CTNNA3: variants seen among roughly 807,000 people sequenced by gnomAD.
CTNNA3 encodes catenin alpha 3.
A neutral mutation model predicts 95.7 loss-of-function variants in CTNNA3; 76 were observed. The ratio of observed to expected loss-of-function variants is 0.79; its 90% CI spans 0.66 to 0.96. The LOEUF (loss-of-function observed/expected upper bound fraction) is 0.96. Ranked by LOEUF, CTNNA3 falls within the 40% of genes least tolerant of loss-of-function variation. The pLI is 0.00. For synonymous variants in CTNNA3, 431 were observed against 374.4 expected (o/e 1.15, Z -1.74); for missense variants, 1,191 against 1,089.8 (o/e 1.09, Z -1.31).
intron 15 of CTNNA3, among the ~76,000 whole-genome samples, chr10:66,049,215 T>A (rs992470071): frequency 6.6e-6 from 1 of 152,232 alleles, no homozygotes; most frequent in East Asian, 1.9e-4. Context: ...ATTAGAGAAA[T>A]GCAAATTGAA....
chr10:67,488,922 G>C (rs1214433214), intron 5 of CTNNA3, among the ~76,000 whole-genome samples: 1 of 152,062 alleles, frequency 6.6e-6, no homozygotes, highest in Non-Finnish European at 1.5e-5. Context: ...TTTTAGTAGA[G>C]ATGTGGTTTC....
At position 66,927,669 on chromosome 10, in the gene CTNNA3, C is replaced by T. The variant is rs923425639; in HGVS notation, c.1048-152145G>A. 6 of 1,614,012 alleles carry T rather than the reference C, an allele frequency of 3.7e-6. No individual in the cohort carries two copies. The highest frequency in any genetic ancestry group is 5.1e-6 in the Non-Finnish European group (6 of 1,180,034). On this transcript the variant is annotated intron_variant, in intron 7 of 17. Coordinates refer to ENST00000433211, the MANE Select transcript of CTNNA3 (RefSeq NM_013266.4). This position sits in a 1 kb window ranked among gnomAD's most constrained non-coding sequence, Gnocchi z 4.7. ...TCATAGGACAGACCATGTCCTGGACCTGGAGCTCCTTACAAAGGCTTGATT... is the reference window on the plus strand; with the variant it reads ...TCATAGGACAGACCATGTCCTGGACTTGGAGCTCCTTACAAAGGCTTGATT...
intron 12 of CTNNA3, among the ~76,000 whole-genome samples, chr10:66,293,552 C>T (rs1397073606): frequency 6.6e-6 from 1 of 151,996 alleles, no homozygotes; most frequent in African/African-American, 2.4e-5. Flanking sequence ...AGTATTCTAA[C>T]ATGACTAGTA....
At chr10:67,727,872 T>C (rs1164161912) in intron 1 of CTNNA3, among the ~76,000 whole-genome samples, 1 of 131,664 alleles carries the variant, frequency 7.6e-6, no homozygotes, top group Admixed American at 8.5e-5. Flanking sequence ...ATGTATAATA[T>C]AGTATATATC....
At chr10:67,168,743 C>A (rs1861889306) in intron 7 of CTNNA3, among the ~76,000 whole-genome samples, 2 of 152,156 alleles carry the variant, frequency 1.3e-5, no homozygotes, top group South Asian at 2.1e-4. Flanking sequence ...TGCTCTCTTG[C>A]CACTTCTATT....
At chr10:67,083,904 TA>T (rs1311248736) in intron 7 of CTNNA3, among the ~76,000 whole-genome samples, 1 of 152,004 alleles carries the variant, frequency 6.6e-6, no homozygotes, top group Non-Finnish European at 1.5e-5. Context: ...ATGAAAAGAA[TA>T]AAAATAAAGA....
intron 9 of CTNNA3, among the ~76,000 whole-genome samples, chr10:66,671,931 A>G (rs950392022): frequency 1.3e-5 from 2 of 152,178 alleles, no homozygotes; most frequent in Admixed American, 6.6e-5. Context: ...CATAGTTGGT[A>G]TGGACTAAAT....
chr10:66,913,292 A>G (rs1846319401), intron 7 of CTNNA3, among the ~76,000 whole-genome samples: 1 of 150,950 alleles, frequency 6.6e-6, no homozygotes, highest in Non-Finnish European at 1.5e-5. Flanking sequence ...ATGAGTACAT[A>G]GTAAGAGACC....
intron 10 of CTNNA3, among the ~76,000 whole-genome samples, chr10:66,597,535 TATATATATATATATATA>T (rs1843757084): frequency 1.5e-5 from 2 of 136,958 alleles, no homozygotes; most frequent in African/African-American, 5.3e-5. Flanking sequence ...TATATATATA[TATATATATATATATATA>T]TATTTATTAA....
chr10:66,484,394 A>C (rs1839652944), intron 11 of CTNNA3, among the ~76,000 whole-genome samples: 1 of 152,042 alleles, frequency 6.6e-6, no homozygotes, highest in African/African-American at 2.4e-5. Context: ...ATTGGTTTAC[A>C]AAATTTCATT....
In CTNNA3 at chr10:67,181,443, A is replaced by G. The variant is rs577322768; in HGVS notation, c.844-923T>C. ...TTTCCAAGATTAGGCATAATGTGAG[A>G]ATTGAAGAAAGAGATAGTGTAGAAT... On this transcript the variant is annotated intron_variant, in intron 6 of 17. Transcript: ENST00000433211. Among the ~76,000 whole-genome samples, 380 of 152,290 alleles carry G rather than the reference A, an allele frequency of 2.5e-3. 3 individuals carry two copies. The highest frequency in any genetic ancestry group is 8.9e-3 in the African/African-American group (370 of 41,564).
At chr10:67,327,429 G>C (rs1361151680) in intron 5 of CTNNA3, among the ~76,000 whole-genome samples, 1 of 152,124 alleles carries the variant, frequency 6.6e-6, no homozygotes, top group Non-Finnish European at 1.5e-5. Context: ...TGATGACCTT[G>C]AAGTTTGATT....
chr10:66,889,023 A>G (rs1845155099), intron 7 of CTNNA3, among the ~76,000 whole-genome samples: 1 of 152,208 alleles, frequency 6.6e-6, no homozygotes. Context: ...CAGACAATGG[A>G]ATATTATTCA....
At chr10:67,313,373 A>C (rs1440607793) in intron 5 of CTNNA3, among the ~76,000 whole-genome samples, 1 of 151,926 alleles carries the variant, frequency 6.6e-6, no homozygotes, top group African/African-American at 2.4e-5. Flanking sequence ...CGGAGTTTGC[A>C]GCAAGCTGAG....
At chr10:66,216,171 T>C (rs1226752501) in intron 13 of CTNNA3, among the ~76,000 whole-genome samples, 1 of 152,252 alleles carries the variant, frequency 6.6e-6, no homozygotes, top group Non-Finnish European at 1.5e-5. Flanking sequence ...CCATAAATCC[T>C]GTCCTTAGGC....
rs1296414391 is a variant in CTNNA3 at position 67,017,729 on chromosome 10, G to A, written c.1047+162588C>T. On this transcript the variant is annotated intron_variant, in intron 7 of 17. Coordinates refer to ENST00000433211, the MANE Select transcript of CTNNA3 (RefSeq NM_013266.4). The stretch of plus-strand genomic sequence containing the variant: ...ATGTGATGTCACAAAAATCATCTGT[G>A]TGTGTGTGTGTGTGTGTGTGTGTGC... 6.8e-3 allele frequency among the ~76,000 whole-genome samples: 763 copies of A among 112,414 alleles called. 7 individuals are homozygous for A. Among genetic ancestry groups the A allele is most frequent in the African/African-American group, 0.024 (721 of 30,288 alleles). 73.7% of individuals were successfully genotyped at this position (112,414 alleles called of 152,430 possible).
chr10:66,124,242 T>G (rs1436167882), intron 13 of CTNNA3, among the ~76,000 whole-genome samples: 2 of 152,124 alleles, frequency 1.3e-5, no homozygotes, highest in African/African-American at 4.8e-5. Flanking sequence ...AGTTCAAAGT[T>G]CCACAAATCT....
intron 9 of CTNNA3, among the ~76,000 whole-genome samples, chr10:66,643,028 T>C (rs868409444): frequency 1.3e-5 from 2 of 152,078 alleles, no homozygotes; most frequent in Admixed American, 6.6e-5. Flanking sequence ...CATATATAGA[T>C]AGATGATGGA....
chr10:67,504,314 G>A (rs1327673189), intron 5 of CTNNA3, among the ~76,000 whole-genome samples: 3 of 148,750 alleles, frequency 2.0e-5, no homozygotes, highest in East Asian at 2.0e-4. Flanking sequence ...TTGGCCGGGC[G>A]TGATGGCAGG....
Sources: gnomAD v4.1 joint callset for allele counts (sites outside exome capture counted in the v4.1 genomes callset) on GRCh38, gnomAD v4.1.1 for gene constraint, Gnocchi (gnomAD v3.1) non-coding constraint, MANE v1.5 for transcripts, NCBI Gene and HGNC (gene_info 2026-07-23, HGNC 2026-07-21) for gene names.